Variants in ZBTB20 observed in about 807,000 individuals in gnomAD.
The protein encoded by ZBTB20 is zinc finger and BTB domain containing 20.
Under a neutral mutation model 56.9 loss-of-function variants are expected in ZBTB20, and 9 were observed. That is an observed-to-expected ratio of 0.16 (90% CI 0.10 to 0.28). The LOEUF (loss-of-function observed/expected upper bound fraction) is 0.28, where lower values mean the gene tolerates loss of function less well. Ranked by LOEUF, ZBTB20 falls within the 10% of genes least tolerant of loss-of-function variation. The pLI, the probability that ZBTB20 is intolerant of heterozygous loss-of-function variation, is 1.00. For synonymous variants in ZBTB20, 417 were observed against 420.7 expected (o/e 0.99, Z 0.11); for missense variants, 655 against 1,003.0 (o/e 0.65, Z 4.69).
chr3:115,043,934 G>C (rs73228396), intron 2 of ZBTB20, among the ~76,000 whole-genome samples: 331 of 152,232 alleles, frequency 2.2e-3, no homozygotes, highest in Non-Finnish European at 4.3e-3. Flanking sequence ...TTGGTAATAA[G>C]TGAGCTCTCA....
chr3:114,709,299 G>T (rs539138640), intron 5 of ZBTB20, among the ~76,000 whole-genome samples: 1 of 152,006 alleles, frequency 6.6e-6, no homozygotes, highest in Admixed American at 6.6e-5. Context: ...CCCCTCTCAT[G>T]GTTCTTACTC....
At chr3:114,568,289 G>C (rs2053025531) in intron 6 of ZBTB20, among the ~76,000 whole-genome samples, 1 of 152,178 alleles carries the variant, frequency 6.6e-6, no homozygotes, top group Non-Finnish European at 1.5e-5. Flanking sequence ...CGAAAAACCT[G>C]ATGTTTGTCC....
At chr3:114,427,306 A>G (rs756176027) in intron 7 of ZBTB20, among the ~76,000 whole-genome samples, 1 of 152,336 alleles carries the variant, frequency 6.6e-6, no homozygotes, top group Admixed American at 6.5e-5. Context: ...AGACACTAGC[A>G]AAGTCTCATA....
At chr3:114,470,824 G>A (rs886703658) in intron 7 of ZBTB20, among the ~76,000 whole-genome samples, 3 of 151,968 alleles carry the variant, frequency 2.0e-5, no homozygotes, top group African/African-American at 7.2e-5. Context: ...AATACAATTG[G>A]TTATCAGAGC....
chr3:115,115,675 G>A (rs539896020), intron 1 of ZBTB20, among the ~76,000 whole-genome samples: 1 of 151,998 alleles, frequency 6.6e-6, no homozygotes, highest in South Asian at 2.1e-4. Flanking sequence ...GAAGAACAGT[G>A]TTTCCAATGG....
intron 2 of ZBTB20, among the ~76,000 whole-genome samples, chr3:115,062,509 G>T (rs866890552): frequency 2.7e-4 from 41 of 152,142 alleles, no homozygotes; most frequent in African/African-American, 9.4e-4. Flanking sequence ...ATTCTCTCAA[G>T]GAGGTTTAAG....
Position 114,549,933 on chromosome 3 carries a change from T to C in ZBTB20, c.-294-49542A>G, listed in dbSNP as rs116343296. Among the ~76,000 whole-genome samples, 700 of 152,204 alleles carry C rather than the reference T, an allele frequency of 4.6e-3. 5 individuals are homozygous for C. Among genetic ancestry groups the C allele is most frequent in the African/African-American group, 0.016 (655 of 41,554 alleles). On this transcript the variant is annotated intron_variant, in intron 6 of 11. Transcript: ENST00000675478. ...CCATAAAATATTTTTTCTACTTCTA[T>C]ATAACTTCTTTTTTATTTTTTTGAG...
chr3:115,118,101 A>C (rs1691170130), intron 1 of ZBTB20, among the ~76,000 whole-genome samples: 1 of 152,264 alleles, frequency 6.6e-6, no homozygotes, highest in Admixed American at 6.5e-5. Context: ...TAAAGTGTTT[A>C]ACCCTTAGGA....
At chr3:115,061,228 G>T (rs1443272593) in intron 2 of ZBTB20, among the ~76,000 whole-genome samples, 1 of 152,098 alleles carries the variant, frequency 6.6e-6, no homozygotes, top group Non-Finnish European at 1.5e-5. Context: ...AAGTGAAAAG[G>T]TATGACCTAC....
intron 6 of ZBTB20, among the ~76,000 whole-genome samples, chr3:114,548,613 G>C (rs1272419004): frequency 6.6e-6 from 1 of 151,700 alleles, no homozygotes; most frequent in Non-Finnish European, 1.5e-5. Flanking sequence ...CTGCCTCTTG[G>C]GTTCAAGTGA....
chr3:114,341,605 C>T (rs2108104550), intron 11 of ZBTB20, among the ~76,000 whole-genome samples: 1 of 152,324 alleles, frequency 6.6e-6, no homozygotes, highest in South Asian at 2.1e-4. Flanking sequence ...TATTTTCACA[C>T]TCTTCTAATC....
intron 1 of ZBTB20, among the ~76,000 whole-genome samples, chr3:115,137,401 G>C (rs551000064): frequency 6.6e-6 from 1 of 152,066 alleles, no homozygotes; most frequent in South Asian, 2.1e-4. Flanking sequence ...TCACTTTAAA[G>C]GTTACTATAA....
chr3:114,401,234 T>C (rs1463708772), intron 7 of ZBTB20, among the ~76,000 whole-genome samples: 2 of 152,084 alleles, frequency 1.3e-5, no homozygotes, highest in Non-Finnish European at 2.9e-5. Context: ...TCATGCATCA[T>C]GGGATCTGAT....
At chr3:115,121,151 AATTTCCTGAGTTCAAATCTGATT>A (rs2084171587) in intron 1 of ZBTB20, among the ~76,000 whole-genome samples, 1 of 152,052 alleles carries the variant, frequency 6.6e-6, no homozygotes, top group Non-Finnish European at 1.5e-5. Flanking sequence ...CTGTGCCTAA[AATTTCCTGAGTTCAAATCTGATT>A]ATAAATGGGC....
At position 114,339,531 on chromosome 3, in the gene ZBTB20, A is replaced by C; in HGVS notation, c.1805-105T>G. ...GACAACAAAAAAGAAAAATAAAACAATTAAAAAATAAAATTTGATTGCTTA... is the reference window on the plus strand; with the variant it reads ...GACAACAAAAAAGAAAAATAAAACACTTAAAAAATAAAATTTGATTGCTTA... On this transcript the variant is annotated intron_variant, in intron 11 of 11. Transcript: ENST00000675478. The surrounding 1 kb of genome is among the most constrained non-coding windows in gnomAD (Gnocchi z 4.2). 15 of 1,280,882 alleles carry C rather than the reference A, an allele frequency of 1.2e-5. No homozygotes were observed. Among genetic ancestry groups the C allele is most frequent in the Non-Finnish European group, 1.6e-5 (15 of 955,310 alleles). 79.3% of individuals were successfully genotyped at this position (1,280,882 alleles called of 1,614,324 possible).
chr3:115,069,553 G>A (rs1178424881), intron 2 of ZBTB20, among the ~76,000 whole-genome samples: 4 of 152,076 alleles, frequency 2.6e-5, no homozygotes, highest in Non-Finnish European at 5.9e-5. Flanking sequence ...TACTGACATA[G>A]GTAGTTACCA....
intron 4 of ZBTB20, among the ~76,000 whole-genome samples, chr3:114,812,775 G>A (rs2072637676): frequency 6.6e-6 from 1 of 152,228 alleles, no homozygotes; most frequent in African/African-American, 2.4e-5. Flanking sequence ...GGCTCGGGCC[G>A]CACAGGAGCC....
intron 2 of ZBTB20, among the ~76,000 whole-genome samples, chr3:114,993,849 T>C (rs889650482): frequency 6.6e-6 from 1 of 151,644 alleles, no homozygotes; most frequent in Non-Finnish European, 1.5e-5. Context: ...ACTTAGCAAG[T>C]TAAAAAATAA....
Position 114,326,974 on chromosome 3 carries a change from G to A in ZBTB20, c.*12031C>T, listed in dbSNP as rs2079084782. 6.6e-6 allele frequency: 1 copy of A among 152,000 alleles called. No homozygotes were observed. The highest frequency in any genetic ancestry group is 2.1e-4 in the South Asian group (1 of 4,814). 9.4% of individuals were successfully genotyped at this position (152,000 alleles called of 1,614,324 possible). A position where few individuals can be genotyped will look rare whatever the true frequency, so the allele number is the denominator to read the frequency against. ...ATGTGTGTGTGTTGCAGAGGGAGAG[G>A]GGAGCAAAGCAAGCTTTTCCTGGAG... On this transcript the variant is annotated 3_prime_UTR_variant, in exon 12 of 12. Coordinates refer to ENST00000675478, the MANE Select transcript of ZBTB20 (RefSeq NM_001348800.3).
Sources: gnomAD v4.1 joint callset for allele counts (sites outside exome capture counted in the v4.1 genomes callset) on GRCh38, gnomAD v4.1.1 for gene constraint, Gnocchi (gnomAD v3.1) non-coding constraint, MANE v1.5 for transcripts, NCBI Gene and HGNC (gene_info 2026-07-23, HGNC 2026-07-21) for gene names.